ESRRG: variants seen among roughly 807,000 people sequenced by gnomAD.
The protein encoded by ESRRG is estrogen-related receptor gamma.
Under a neutral mutation model 44.0 loss-of-function variants are expected in ESRRG, and 13 were observed. That is an observed-to-expected ratio of 0.30 (90% CI 0.19 to 0.47). ESRRG has a LOEUF of 0.47. Ranked by LOEUF, ESRRG falls within the 20% of genes least tolerant of loss-of-function variation. The pLI is 1.00. For synonymous variants in ESRRG, 215 were observed against 214.6 expected, an observed-to-expected ratio of 1.00 and a Z score of -0.02; for missense variants, 395 against 580.6, an observed-to-expected ratio of 0.68 and a Z score of 3.29.
intron 2 of ESRRG, among the ~76,000 whole-genome samples, chr1:216,865,630 T>C (rs2096142470): frequency 6.6e-6 from 1 of 152,166 alleles, no homozygotes; most frequent in South Asian, 2.1e-4. Context: ...TGTTTAGCAC[T>C]TGGAACAATA....
intron 2 of ESRRG, among the ~76,000 whole-genome samples, chr1:216,771,010 T>A (rs962427240): frequency 3.3e-5 from 5 of 152,132 alleles, no homozygotes; most frequent in Non-Finnish European, 1.5e-5. Flanking sequence ...ATTCCACTTT[T>A]TGTCTTGTTT....
intron 2 of ESRRG, among the ~76,000 whole-genome samples, chr1:216,860,823 T>C (rs1479553839): frequency 1.3e-5 from 2 of 152,128 alleles, no homozygotes; most frequent in East Asian, 1.9e-4. Flanking sequence ...AAATGGTAAC[T>C]AGGTGAGTTA....
chr1:216,830,030 G>GAC (rs566923116), intron 2 of ESRRG, among the ~76,000 whole-genome samples: 75 of 152,184 alleles, frequency 4.9e-4, no homozygotes, highest in Non-Finnish European at 9.3e-4. Flanking sequence ...TGACAGCACA[G>GAC]ACACACACAC....
At chr1:216,751,083 C>A (rs899588694) in intron 2 of ESRRG, among the ~76,000 whole-genome samples, 6 of 152,112 alleles carry the variant, frequency 3.9e-5, no homozygotes, top group Non-Finnish European at 8.8e-5. Context: ...AGATTTATTT[C>A]TCACCCTGGA....
At chr1:216,663,625 A>C (rs1425452647) in intron 2 of ESRRG, among the ~76,000 whole-genome samples, 1 of 130,912 alleles carries the variant, frequency 7.6e-6, no homozygotes, top group East Asian at 2.0e-4. Context: ...TTCTCTTTCT[A>C]TCATTCATCA....
At chr1:216,799,063 C>A (rs2094547044) in intron 2 of ESRRG, among the ~76,000 whole-genome samples, 2 of 151,986 alleles carry the variant, frequency 1.3e-5, no homozygotes, top group South Asian at 4.1e-4. Flanking sequence ...TTTTCATAAC[C>A]ATTATTCTTT....
At position 217,040,476 on chromosome 1, in the gene ESRRG, A is replaced by T. The variant is rs1579941997; in HGVS notation, c.-106+49031T>A. 2.6e-5 allele frequency among the ~76,000 whole-genome samples: 4 copies of T among 152,184 alleles called. No homozygotes were observed. The East Asian group carries it at 7.7e-4, about 29-fold the overall frequency. ...TTTCATAATTCTCTTCAAACTATTCATTTTGTTACTTCAGGATATAGTAAG... is the reference window on the plus strand; with the variant it reads ...TTTCATAATTCTCTTCAAACTATTCTTTTTGTTACTTCAGGATATAGTAAG... On this transcript the variant is annotated intron_variant, in intron 1 of 7. Transcript: ENST00000359162.
At chr1:216,724,359 A>G (rs1289187936), upstream of ESRRG, among the ~76,000 whole-genome samples, 1 of 107,026 alleles carries the variant, frequency 9.3e-6, no homozygotes, top group Non-Finnish European at 1.9e-5. Context: ...AAATAAAGAC[A>G]GCATTTTTTT....
Position 217,087,503 on chromosome 1 carries a change from T to C in ESRRG, c.-106+2004A>G, listed in dbSNP as rs79537837. ...GCAGCACACACGGAAACCTAATCGA[T>C]TGATCTGCTCTATTTTGTTAAAGCA... is the stretch of plus-strand genomic sequence containing the variant. On this transcript the variant is annotated intron_variant, in intron 1 of 7. Coordinates refer to the ESRRG transcript ENST00000359162. Among the ~76,000 whole-genome samples, 111 of 152,300 alleles carry C rather than the reference T, an allele frequency of 7.3e-4. 1 individual carries two copies. In the East Asian group the frequency reaches 0.02, roughly 28 times the overall value.
chr1:217,009,794 C>G (rs1261975696), intron 1 of ESRRG, among the ~76,000 whole-genome samples: 1 of 149,424 alleles, frequency 6.7e-6, no homozygotes, highest in Non-Finnish European at 1.5e-5. Context: ...CAACCTCTGC[C>G]TCCTGGGTTC....
chr1:217,002,351 A>T (rs887169220), intron 1 of ESRRG, among the ~76,000 whole-genome samples: 2 of 151,558 alleles, frequency 1.3e-5, no homozygotes, highest in Admixed American at 6.6e-5. Context: ...AAAGAAAAGA[A>T]AAGAAAGAAA....
chr1:217,083,163 T>C (rs1463079326), intron 1 of ESRRG, among the ~76,000 whole-genome samples: 1 of 152,206 alleles, frequency 6.6e-6, no homozygotes, highest in East Asian at 1.9e-4. Flanking sequence ...TTGTATGGTC[T>C]AGCGTAGGAA....
rs565166660 is a variant in ESRRG at position 217,116,246 on chromosome 1, G to C, written c.-230+21421C>G. 3.3e-5 allele frequency among the ~76,000 whole-genome samples: 5 copies of C among 152,234 alleles called. No homozygotes were observed. The East Asian group carries it at 9.7e-4, about 29-fold the overall frequency. On this transcript the variant is annotated intron_variant, in intron 1 of 8. Transcript: ENST00000366940. ...GAGGAATGTATAAAGCCATCACCAG[G>C]AATAACAGTGATTGCTGACAGGTCC...
In ESRRG at chr1:216,519,328, G is replaced by A. The variant is rs866478481; in HGVS notation, c.956C>T (p.Ser319Leu). The change falls in exon 6 of 7, where the codon TCG becomes TTG. Residue 319 changes from serine to leucine, a missense_variant. Ser to Leu is a moderately radical substitution (Grantham distance 145, BLOSUM62 -2). Transcript: ENST00000408911. ...TGCATAGACAAGTTCATCCTCAAAC[G>A]AAAGAGACCGGTATACGACACCAAG... ...LILGVVYRSL[S>L]FEDELVYADD... is the part of the protein sequence containing the mutation. 1.9e-6 allele frequency: 3 copies of A among 1,613,636 alleles called. No homozygotes were observed. The highest frequency in any genetic ancestry group is 2.5e-6 in the Non-Finnish European group (3 of 1,179,792).
chr1:216,778,837 C>T (rs1360245270), intron 2 of ESRRG, among the ~76,000 whole-genome samples: 3 of 151,600 alleles, frequency 2.0e-5, no homozygotes, highest in African/African-American at 7.3e-5. Flanking sequence ...AAATGAAGCT[C>T]ATTACTAACA....
chr1:217,031,103 T>C lies in ESRRG; in HGVS notation c.-106+58404A>G, dbSNP rs751918545. 5.9e-5 allele frequency among the ~76,000 whole-genome samples: 9 copies of C among 152,310 alleles called. No individual in the cohort carries two copies. In the South Asian group the frequency reaches 1.0e-3, roughly 18 times the overall value. On this transcript the variant is annotated intron_variant, in intron 1 of 7. Coordinates refer to the ESRRG transcript ENST00000359162. ...CTAGTCAATGGTCTGTTTTGATATATCCTGAAAGCTAAAAATAGTTTTTAC... is the reference window on the plus strand; with the variant it reads ...CTAGTCAATGGTCTGTTTTGATATACCCTGAAAGCTAAAAATAGTTTTTAC...
chr1:216,943,009 T>A (rs1200471296), intron 1 of ESRRG, among the ~76,000 whole-genome samples: 1 of 151,982 alleles, frequency 6.6e-6, no homozygotes, highest in African/African-American at 2.4e-5. Context: ...TGATTGCCTA[T>A]CCTATGCCCA....
rs753182698 is a variant in ESRRG, at chr1:216,858,007, C to T, written c.-14+81575G>A. On this transcript the variant is annotated intron_variant, in intron 2 of 7. Coordinates refer to the ESRRG transcript ENST00000359162. ...CTTGGGTCTCAACCAAATCTTGTAACCTCTCTGAGCGTCAGTTTCTTCATT... is the reference window on the plus strand; with the variant it reads ...CTTGGGTCTCAACCAAATCTTGTAATCTCTCTGAGCGTCAGTTTCTTCATT... Among the ~76,000 whole-genome samples, 9 of 152,130 alleles carry T rather than the reference C, an allele frequency of 5.9e-5. No homozygotes were observed. In the East Asian group the frequency reaches 7.7e-4, roughly 13 times the overall value.
chr1:216,822,981 G>A (rs890560974), intron 2 of ESRRG, among the ~76,000 whole-genome samples: 7 of 152,198 alleles, frequency 4.6e-5, no homozygotes, highest in Middle Eastern at 3.4e-3. Context: ...TTTTATTGTT[G>A]AGATTGAAGA....
Sources: gnomAD v4.1 joint callset for allele counts (sites outside exome capture counted in the v4.1 genomes callset) on GRCh38, gnomAD v4.1.1 for gene constraint, MANE v1.5 for transcripts, NCBI Gene and HGNC (gene_info 2026-07-23, HGNC 2026-07-21) for gene names.